UNC13C: variants seen among roughly 807,000 people sequenced by gnomAD.
UNC13C encodes the protein unc-13 homolog C, also known as protein unc-13 homolog C.
In UNC13C, 174 loss-of-function variants were observed where a neutral mutation model predicts 245.4. The ratio of observed to expected loss-of-function variants is 0.71; its 90% confidence interval spans 0.63 to 0.80. The LOEUF (loss-of-function observed/expected upper bound fraction) is 0.80. Ranked by LOEUF, UNC13C falls within the 30% of genes least tolerant of loss-of-function variation. UNC13C has a pLI of 0.00. For missense variants in UNC13C, 2,829 were observed against 2,602.9 expected, an observed-to-expected ratio of 1.09 and a Z score of -1.89; for synonymous variants, 992 against 895.1, an observed-to-expected ratio of 1.11 and a Z score of -1.93.
At chr15:54,232,575 TAAAA>T (rs1448448837) in intron 4 of UNC13C, among the ~76,000 whole-genome samples, 1 of 152,166 alleles carries the variant, frequency 6.6e-6, no homozygotes, top group Non-Finnish European at 1.5e-5. Context: ...TGGTTACTGA[TAAAA>T]GAAAATTCAC....
chr15:54,539,391 G>A (rs1896139305), intron 26 of UNC13C, among the ~76,000 whole-genome samples: 1 of 151,824 alleles, frequency 6.6e-6, no homozygotes, highest in Admixed American at 6.6e-5. Flanking sequence ...AAGGGAAGAA[G>A]TAAAGAAAGA....
At chr15:54,474,572 T>A (rs570159787) in intron 19 of UNC13C, among the ~76,000 whole-genome samples, 1 of 152,170 alleles carries the variant, frequency 6.6e-6, no homozygotes, top group South Asian at 2.1e-4. Flanking sequence ...TGAGTTCTTG[T>A]ATGTTCTGGA....
chr15:54,071,990 T>C (rs764544438), intron 2 of UNC13C, among the ~76,000 whole-genome samples: 14 of 152,310 alleles, frequency 9.2e-5, no homozygotes, highest in Middle Eastern at 6.8e-3. Context: ...TTCACTCTAC[T>C]TGGTTTCCTA....
intron 30 of UNC13C, among the ~76,000 whole-genome samples, chr15:54,608,652 G>A (rs780822501): frequency 6.6e-6 from 1 of 152,058 alleles, no homozygotes; most frequent in Non-Finnish European, 1.5e-5. Context: ...TCAGATTCCA[G>A]ATTCTTATTC....
At chr15:54,479,155 G>A (rs1892953678) in intron 19 of UNC13C, among the ~76,000 whole-genome samples, 1 of 152,026 alleles carries the variant, frequency 6.6e-6, no homozygotes, top group South Asian at 2.1e-4. Context: ...GCTCTGCAGT[G>A]CTTCAATAAT....
At chr15:53,885,357 G>C in the UNC13C span, among the ~76,000 whole-genome samples, 1 of 152,302 alleles carries the variant, frequency 6.6e-6, no homozygotes, top group Admixed American at 6.5e-5. Flanking sequence ...ACAGGCCACT[G>C]TCTACAGGCT....
chr15:54,061,573 C>G (rs1485691780), intron 2 of UNC13C, among the ~76,000 whole-genome samples: 1 of 152,122 alleles, frequency 6.6e-6, no homozygotes, highest in African/African-American at 2.4e-5. Context: ...GGAATCTTAC[C>G]TCCCTTGTCA....
rs554404922 is a variant in UNC13C at position 54,443,410 on chromosome 15, GTCTGTTGTTT to G, written c.4933+28344_4933+28353del. 3.0e-3 allele frequency among the ~76,000 whole-genome samples: 452 copies of G among 151,830 alleles called. 10 individuals carry two copies. Among genetic ancestry groups the G allele is most frequent in the Admixed American group, 0.027 (414 of 15,240 alleles). On this transcript the variant is annotated intron_variant, in intron 19 of 32. Coordinates refer to ENST00000260323, the MANE Select transcript of UNC13C (RefSeq NM_001080534.3). ...TTAGTCTCTCTTTTGTTTAGATTTA[GTCTGTTGTTT>G]ATTATTTCTTTCTTTCAACTAATTT...
chr15:54,473,929 C>G (rs1007955354), intron 19 of UNC13C, among the ~76,000 whole-genome samples: 5 of 151,818 alleles, frequency 3.3e-5, no homozygotes, highest in Middle Eastern at 3.2e-3. Flanking sequence ...ATTCCACTCT[C>G]TACATCTGTG....
chr15:54,406,116 G>A (rs986996028), intron 18 of UNC13C, among the ~76,000 whole-genome samples: 1 of 152,112 alleles, frequency 6.6e-6, no homozygotes, highest in African/African-American at 2.4e-5. Flanking sequence ...ATATGACACG[G>A]GAGACTTCAA....
chr15:54,457,395 A>G (rs1159102611), intron 19 of UNC13C, among the ~76,000 whole-genome samples: 1 of 152,098 alleles, frequency 6.6e-6, no homozygotes, highest in African/African-American at 2.4e-5. Flanking sequence ...CCTTCATAGA[A>G]TGAGTTAGGG....
chr15:54,317,572 A>G (rs1286938065), intron 13 of UNC13C, among the ~76,000 whole-genome samples: 2 of 151,934 alleles, frequency 1.3e-5, no homozygotes, highest in Non-Finnish European at 2.9e-5. Flanking sequence ...AATGTTCAAT[A>G]ATTGTGTCAT....
intron 2 of UNC13C, among the ~76,000 whole-genome samples, chr15:54,091,917 T>C (rs1054301150): frequency 3.3e-5 from 5 of 152,214 alleles, no homozygotes; most frequent in African/African-American, 9.6e-5. Context: ...TTATTATGCA[T>C]CAACCATATT....
At chr15:54,076,787 C>G (rs1401954903) in intron 2 of UNC13C, among the ~76,000 whole-genome samples, 1 of 152,122 alleles carries the variant, frequency 6.6e-6, no homozygotes, top group Non-Finnish European at 1.5e-5. Context: ...TGGGAGTATT[C>G]TTTGCTGTTA....
At chr15:54,229,269 C>T (rs775083919) in intron 4 of UNC13C, among the ~76,000 whole-genome samples, 19 of 152,084 alleles carry the variant, frequency 1.2e-4, no homozygotes, top group Admixed American at 3.3e-4. Context: ...GGTGTCATTC[C>T]GATTCTCTCC....
intron 2 of UNC13C, among the ~76,000 whole-genome samples, chr15:54,093,600 G>A (rs140719517): frequency 3.3e-5 from 5 of 152,290 alleles, no homozygotes; most frequent in South Asian, 2.1e-4. Context: ...CCAAATGCAC[G>A]TGGGTGCTGC....
In UNC13C at chr15:54,013,283, A is replaced by C. The variant is rs775449533; in HGVS notation, c.380A>C (p.Tyr127Ser). ...LQELSSIESS[Y>S]SESLNELRSS... Reference sequence around the variant, plus strand: ...GAGCTCTCTTCAATCGAGAGTTCCTACTCAGAATCATTAAATGAACTAAGG... The same window carrying C: ...GAGCTCTCTTCAATCGAGAGTTCCTCCTCAGAATCATTAAATGAACTAAGG... Residue 127 changes from tyrosine to serine, a missense_variant, in exon 2 of 33, where the codon TAC (tyrosine) becomes TCC (serine). Transcript: ENST00000260323. 2.5e-6 allele frequency: 4 copies of C among 1,613,662 alleles called. 1 individual carries two copies. The highest frequency in any genetic ancestry group is 1.7e-5 in the Admixed American group (1 of 59,882).
Position 54,054,677 on chromosome 15 carries a change from T to C in UNC13C, c.2983+38791T>C, listed in dbSNP as rs191438270. Reference sequence around the variant, plus strand: ...TCTACTGGTTTTATAATGTACTATGTTGACTATTTTCAACTATAAAGGCAT... The same window carrying C: ...TCTACTGGTTTTATAATGTACTATGCTGACTATTTTCAACTATAAAGGCAT... On this transcript the variant is annotated intron_variant, in intron 2 of 32. Transcript: ENST00000260323. Among the ~76,000 whole-genome samples the C allele has an allele frequency of 5.3e-5, 8 of 152,326 alleles. No individual in the cohort carries two copies. The East Asian group carries it at 1.3e-3, about 26-fold the overall frequency.
chr15:54,083,589 C>G (rs1194364432), intron 2 of UNC13C, among the ~76,000 whole-genome samples: 2 of 152,196 alleles, frequency 1.3e-5, no homozygotes, highest in African/African-American at 4.8e-5. Flanking sequence ...AAATAACGCC[C>G]TCTCTATCCC....
Sources: gnomAD v4.1 joint callset for allele counts (sites outside exome capture counted in the v4.1 genomes callset) on GRCh38, gnomAD v4.1.1 for gene constraint, MANE v1.5 for transcripts, NCBI Gene and HGNC (gene_info 2026-07-23, HGNC 2026-07-21) for gene names.